Variants in ZC3H18 observed in about 807,000 individuals in gnomAD.
The protein encoded by ZC3H18 is zinc finger CCCH-type containing 18.
Under a neutral mutation model 106.1 loss-of-function variants are expected in ZC3H18, and 8 were observed. The observed-to-expected ratio is 0.08, with a 90% CI of 0.04 to 0.14. ZC3H18 has a LOEUF of 0.14. Ranked by LOEUF, ZC3H18 falls within the 10% of genes least tolerant of loss-of-function variation. The probability of loss-of-function intolerance (pLI) is 1.00; values close to 1 mark genes in which losing one functional copy is unlikely to be tolerated. For synonymous variants in ZC3H18, 635 were observed against 522.1 expected (o/e 1.22, Z -2.95); for missense variants, 1,318 against 1,278.4 (o/e 1.03, Z -0.47).
chr16:88,625,381 G>C, intron 13 of ZC3H18, 114 bp downstream of exon 13: 1 of 1,324,464 alleles, frequency 7.6e-7, no homozygotes, highest in Non-Finnish European at 1.1e-6. Flanking sequence ...GGCCCTTCTG[G>C]ATCTGAGTCA....
At chr16:88,623,613 C>A in intron 10 of ZC3H18, 1 of 579,016 alleles carries the variant, frequency 1.7e-6, no homozygotes, top group Non-Finnish European at 3.0e-6. Context: ...GCAGACAGGC[C>A]GAGGAAGGGG....
rs772382030 is a variant in ZC3H18, at chr16:88,611,278, G to A, written c.1217G>A (p.Arg406Gln). 1.2e-5 allele frequency: 9 copies of A among 773,896 alleles called. No individual in the cohort carries two copies. The highest frequency in any genetic ancestry group is 2.2e-5 in the Non-Finnish European group (9 of 415,030). 47.9% of individuals were successfully genotyped at this position (773,896 alleles called of 1,614,324 possible). The stretch of plus-strand genomic sequence containing the variant: ...GGCTTTTTAACAAAGGAAAGGGAGC[G>A]GGAGCGAGAGAGAGAGAACAGACAG... ...EPYHNYRERE[R>Q]ERERENRQRE... The change falls in exon 8 of 18, where the codon CGG becomes CAG. Residue 406 changes from arginine (R) to glutamine (Q), a missense_variant. Coordinates refer to ENST00000301011, the MANE Select transcript of ZC3H18 (RefSeq NM_144604.4).
rs575019325 is a variant in ZC3H18 at position 88,587,738 on chromosome 16, G to A, written c.688+1054G>A. 107 of 960,314 alleles carry A rather than the reference G, an allele frequency of 1.1e-4. 1 individual carries two copies. In the South Asian group the frequency reaches 1.6e-3, roughly 14 times the overall value. The allele number at this position is 960,314 out of a possible 1,614,324, so 59.5% of individuals were successfully genotyped here. A position where few individuals can be genotyped will look rare whatever the true frequency, so the allele number is the denominator to read the frequency against. Reference sequence around the variant, plus strand: ...CAGAAGGAAAGGGGGTCTTTGAGGGGCAGAGAGCTGTTCGGAACCTCCTCC... The same window carrying A: ...CAGAAGGAAAGGGGGTCTTTGAGGGACAGAGAGCTGTTCGGAACCTCCTCC... On this transcript the variant is annotated intron_variant, in intron 3 of 17. Transcript: ENST00000301011.
At chr16:88,587,424 G>A (rs953359177) in intron 3 of ZC3H18, 19 of 785,130 alleles carry the variant, frequency 2.4e-5, no homozygotes, top group Non-Finnish European at 3.7e-5. Context: ...CCCTTGGAAA[G>A]GTAGGAAGGT....
chr16:88,600,632 C>T (rs1178824274), intron 6 of ZC3H18, among the ~76,000 whole-genome samples: 1 of 152,164 alleles, frequency 6.6e-6, no homozygotes, highest in Non-Finnish European at 1.5e-5. Flanking sequence ...AGGATGGTCT[C>T]GAACTCCTGA....
Position 88,577,299 on chromosome 16 carries a change from G to A in ZC3H18, c.176G>A (p.Ser59Asn), listed in dbSNP as rs769321265. ...EDEESAARGP[S>N]QEEEDNHSDE... Reference sequence around the variant, plus strand: ...GAGGAAAGTGCAGCCAGGGGGCCGAGCCAGGAGGAGGAAGATAATCACTCC... The same window carrying A: ...GAGGAAAGTGCAGCCAGGGGGCCGAACCAGGAGGAGGAAGATAATCACTCC... Residue 59 changes from serine (S) to asparagine (N), a missense_variant, in exon 2 of 18, where the codon AGC becomes AAC. Physicochemically the swap from Ser to Asn is conservative, Grantham distance 46 (BLOSUM62 1). This residue lies in a region of ZC3H18 where 346 missense variants were observed against 269.0 expected (regional missense o/e 1.29). Coordinates refer to ENST00000301011, the MANE Select transcript of ZC3H18 (RefSeq NM_144604.4). 22 of 1,612,618 alleles carry A rather than the reference G, an allele frequency of 1.4e-5. No individual in the cohort carries two copies. The highest frequency in any genetic ancestry group is 1.7e-5 in the Non-Finnish European group (20 of 1,179,326).
intron 9 of ZC3H18, 90 bp downstream of exon 9, chr16:88,622,478 C>A: frequency 1.9e-5 from 26 of 1,384,782 alleles, no homozygotes; most frequent in African/African-American, 8.7e-5. Context: ...TGGGGAACAC[C>A]CCAGCCCCAC....
At chr16:88,586,117 C>G (rs974439557) in intron 2 of ZC3H18, among the ~76,000 whole-genome samples, 3 of 152,126 alleles carry the variant, frequency 2.0e-5, no homozygotes, top group Admixed American at 6.5e-5. Flanking sequence ...GGGTGAGGAG[C>G]TGGTTGAGGA....
rs1013094729 is a variant in ZC3H18 at position 88,628,776 on chromosome 16, A to G, written c.2488A>G (p.Arg830Gly). Residue 830 changes from arginine (R) to glycine (G), a missense_variant, in exon 16 of 18, where the codon AGG becomes GGG. By Grantham distance (125) the Arg-to-Gly change is moderately radical. This residue lies in a region of ZC3H18 where 848 missense variants were observed against 821.7 expected (regional missense o/e 1.03). Coordinates refer to ENST00000301011, the MANE Select transcript of ZC3H18 (RefSeq NM_144604.4). ...GTCCCAGGCGGCTGATAAAGGAAGC[A>G]GGAAGCGCTATGAACCATCAGACAA... Reference protein sequence around the residue: ...LLNKAADKGSRKRYEPSDKDR... With the variant: ...LLNKAADKGSGKRYEPSDKDR... The G allele has an allele frequency of 2.3e-5, 37 of 1,614,018 alleles. No homozygotes were observed. Among genetic ancestry groups the G allele is most frequent in the Non-Finnish European group, 2.9e-5 (34 of 1,179,946 alleles).
intron 3 of ZC3H18, chr16:88,587,459 G>A (rs1915502414): frequency 8.6e-7 from 1 of 1,159,736 alleles, no homozygotes. Context: ...TCTTAATTTT[G>A]CTGTAAGCCC....
intron 6 of ZC3H18, among the ~76,000 whole-genome samples, chr16:88,603,838 T>G (rs1016560561): frequency 1.3e-5 from 2 of 150,760 alleles, no homozygotes; most frequent in African/African-American, 2.4e-5. Flanking sequence ...TTTCACCATG[T>G]TAGCCAGGTT....
chr16:88,617,904 A>C (rs899432952), intron 8 of ZC3H18, among the ~76,000 whole-genome samples: 5 of 152,232 alleles, frequency 3.3e-5, no homozygotes, highest in African/African-American at 1.2e-4. Flanking sequence ...CAGGAGTCTC[A>C]AGATCTCTGC....
intron 16 of ZC3H18, 133 bp from the exon 17 acceptor site, chr16:88,630,352 T>G (rs1906584316): frequency 1.5e-6 from 1 of 648,178 alleles, no homozygotes; most frequent in Non-Finnish European, 2.6e-6. Context: ...CCTTTTTATT[T>G]CTTTATAAAA....
At chr16:88,595,556 C>T (rs1904390102) in intron 3 of ZC3H18, among the ~76,000 whole-genome samples, 1 of 150,308 alleles carries the variant, frequency 6.7e-6, no homozygotes, top group African/African-American at 2.5e-5. Flanking sequence ...CCTGTAATCC[C>T]AGCTCTTTGG....
chr16:88,582,424 A>G (rs1261971771), intron 2 of ZC3H18, among the ~76,000 whole-genome samples: 1 of 151,912 alleles, frequency 6.6e-6, no homozygotes, highest in Admixed American at 6.6e-5. Flanking sequence ...GGGTTTCACC[A>G]TCTTGGCCAG....
intron 12 of ZC3H18, among the ~76,000 whole-genome samples, 173 bp from the exon 13 acceptor site, chr16:88,625,029 C>CT (rs929605755): frequency 6.6e-6 from 1 of 152,196 alleles, no homozygotes; most frequent in Non-Finnish European, 1.5e-5. Context: ...AGAGACTGTA[C>CT]TTTTTATCTT....
intron 6 of ZC3H18, 48 bp from the exon 7 acceptor site, chr16:88,608,886 G>T (rs374598505): frequency 1.3e-6 from 2 of 1,483,734 alleles, no homozygotes; most frequent in East Asian, 2.3e-5. Flanking sequence ...GTCTTTTTAC[G>T]CCAGTGCTCC....
intron 6 of ZC3H18, among the ~76,000 whole-genome samples, chr16:88,605,797 T>G (rs1904983501): frequency 6.6e-6 from 1 of 152,238 alleles, no homozygotes; most frequent in African/African-American, 2.4e-5. Context: ...ATTGCTCGAC[T>G]TTTCACCTGC....
At chr16:88,609,120 AC>A in intron 7 of ZC3H18, 69 bp downstream of exon 7, 4 of 1,333,736 alleles carry the variant, frequency 3.0e-6, no homozygotes, top group South Asian at 1.3e-5. Flanking sequence ...CTTTTTATTT[AC>A]AGTAAAAAAT....
Sources: gnomAD v4.1 joint callset for allele counts (sites outside exome capture counted in the v4.1 genomes callset) on GRCh38, gnomAD v4.1.1 for gene constraint, gnomAD v4.1.1 regional missense constraint, MANE v1.5 for transcripts, NCBI Gene and HGNC (gene_info 2026-07-23, HGNC 2026-07-21) for gene names.